Variants in ACSM6 observed in about 807,000 individuals in gnomAD.
The protein encoded by ACSM6 is acyl-CoA synthetase medium chain family member 6.
A neutral mutation model predicts 51.1 loss-of-function variants in ACSM6; 35 were observed. The observed-to-expected ratio is 0.69, with a 90% CI of 0.52 to 0.91. The LOEUF (loss-of-function observed/expected upper bound fraction) is 0.91. Among genes scored for constraint, ACSM6 ranks in the 40% least tolerant of loss-of-function variants. ACSM6 has a pLI of 0.00. For missense variants in ACSM6, 509 were observed against 584.1 expected, an observed-to-expected ratio of 0.87 and a Z score of 1.32; for synonymous variants, 172 against 207.3, an observed-to-expected ratio of 0.83 and a Z score of 1.46.
At chr10:95,204,706 G>T (rs1429590839) in intron 3 of ACSM6, among the ~76,000 whole-genome samples, 1 of 151,874 alleles carries the variant, frequency 6.6e-6, no homozygotes, top group Non-Finnish European at 1.5e-5. Flanking sequence ...AAATTCAAAT[G>T]AACCATTAAA....
chr10:95,214,878 GT>G lies in ACSM6; in HGVS notation c.1023del (p.Cys341TrpfsTer12), dbSNP rs1245713930. On this transcript the variant is annotated frameshift_variant, in exon 8 of 11. Coordinates refer to ENST00000341686, the Ensembl canonical transcript of ACSM6. LOFTEE classifies it high-confidence loss of function. ...TACAGATTCAAGAGTCTGAAGCAGT[GT>G]GTGGCTGCAGGAGGACCCATCAGCC... The G allele has an allele frequency of 6.4e-7, 1 of 1,551,526 alleles. No individual in the cohort carries two copies. Among genetic ancestry groups the G allele is most frequent in the African/African-American group, 1.4e-5 (1 of 73,044 alleles).
intron 5 of ACSM6, among the ~76,000 whole-genome samples, chr10:95,211,608 C>T (rs1190555817): frequency 6.6e-6 from 1 of 152,152 alleles, no homozygotes; most frequent in African/African-American, 2.4e-5. Context: ...AATAAAAGTG[C>T]CTACTGGATT....
intron 2 of ACSM6, among the ~76,000 whole-genome samples, chr10:95,199,669 A>G (rs1315806289): frequency 6.6e-6 from 1 of 151,994 alleles, no homozygotes; most frequent in African/African-American, 2.4e-5. Context: ...AAAACAAACA[A>G]CCCCATCAAA....
Position 95,194,270 on chromosome 10 carries a change from C to CTA in ACSM6, c.-54_-53insAT, listed in dbSNP as rs2034703723. ...AACAGCTCTACCATCCTCCAAACAT[C>CTA]TGAAGCCCCCCATAGAAACTCCTCT... On this transcript the variant is annotated 5_prime_UTR_variant, in exon 1 of 11. The change creates a new upstream start codon in the 5' untranslated region. Transcript: ENST00000341686. 1.6e-5 allele frequency: 8 copies of CTA among 490,924 alleles called. No individual in the cohort carries two copies. In the Admixed American group the frequency reaches 1.9e-4, roughly 12 times the overall value. The allele number at this position is 490,924 out of a possible 1,614,324, so 30.4% of individuals were successfully genotyped here. A position where few individuals can be genotyped will look rare whatever the true frequency, so the allele number is the denominator to read the frequency against.
chr10:95,224,931 ATGGAGC>A (rs1303422228), intron 9 of ACSM6, among the ~76,000 whole-genome samples: 1 of 152,218 alleles, frequency 6.6e-6, no homozygotes, highest in Non-Finnish European at 1.5e-5. Flanking sequence ...TAACCAGGCA[ATGGAGC>A]CCTTACCTGT....
chr10:95,227,680 C>T (rs660026), intron 10 of ACSM6, among the ~76,000 whole-genome samples: 79,760 of 152,070 alleles, frequency 0.52, 21,847 homozygotes, highest in Middle Eastern at 0.66. Context: ...AGCTTTTCAC[C>T]AAAGTTTATT....
chr10:95,202,379 T>G (rs1407199793), intron 3 of ACSM6, among the ~76,000 whole-genome samples, 184 bp downstream of exon 3: 1 of 152,238 alleles, frequency 6.6e-6, no homozygotes, highest in Non-Finnish European at 1.5e-5. Flanking sequence ...CTGTAAATTA[T>G]GCCTCTCTGA....
chr10:95,218,932 G>T (rs945417730), intron 8 of ACSM6, among the ~76,000 whole-genome samples: 1 of 152,182 alleles, frequency 6.6e-6, no homozygotes, highest in Non-Finnish European at 1.5e-5. Flanking sequence ...GTCTCTTTCC[G>T]TGTAAGACAC....
chr10:95,194,256 C>T (rs2034703655), exon 1 of ACSM6: 2 of 463,896 alleles, frequency 4.3e-6, no homozygotes, highest in African/African-American at 1.9e-5. Flanking sequence ...ACAGCTCTAC[C>T]ATCCTCCAAA....
chr10:95,202,549 A>T (rs1023959607), intron 3 of ACSM6, among the ~76,000 whole-genome samples: 1 of 152,162 alleles, frequency 6.6e-6, no homozygotes, highest in Non-Finnish European at 1.5e-5. Flanking sequence ...CCTCTGTCCT[A>T]ACATAGTCAT....
chr10:95,194,267 C>T (rs1340259406), exon 1 of ACSM6: 3 of 485,820 alleles, frequency 6.2e-6, no homozygotes, highest in African/African-American at 1.9e-5. Context: ...ATCCTCCAAA[C>T]ATCTGAAGCC....
At chr10:95,214,037 TA>T (rs1268025615) in intron 7 of ACSM6, among the ~76,000 whole-genome samples, 1 of 152,198 alleles carries the variant, frequency 6.6e-6, no homozygotes, top group Non-Finnish European at 1.5e-5. Context: ...TAAAAGCACT[TA>T]AAAATTTTAA....
intron 5 of ACSM6, 104 bp downstream of exon 5, chr10:95,210,897 G>A: frequency 2.3e-6 from 3 of 1,327,862 alleles, no homozygotes; most frequent in Non-Finnish European, 3.0e-6. Context: ...ACTCAAGACT[G>A]CAGAAAGTGT....
At chr10:95,205,070 A>C (rs1330885129) in intron 3 of ACSM6, among the ~76,000 whole-genome samples, 1 of 152,196 alleles carries the variant, frequency 6.6e-6, no homozygotes, top group African/African-American at 2.4e-5. Flanking sequence ...AGAGCTCTCA[A>C]TTATTATAAA....
intron 6 of ACSM6, 139 bp downstream of exon 6, chr10:95,212,173 C>A: frequency 9.5e-6 from 10 of 1,052,506 alleles, no homozygotes; most frequent in Non-Finnish European, 1.3e-5. Flanking sequence ...GATGCTCTCC[C>A]TGCTTGTGAG....
intron 2 of ACSM6, among the ~76,000 whole-genome samples, 175 bp downstream of exon 2, chr10:95,194,852 A>G (rs1309968550): frequency 6.6e-6 from 1 of 152,262 alleles, no homozygotes; most frequent in East Asian, 1.9e-4. Context: ...ATGGTTCTAC[A>G]TTGAAATCCT....
chr10:95,200,597 AAGAAGG>A (rs1231558605), intron 2 of ACSM6, among the ~76,000 whole-genome samples: 83 of 145,618 alleles, frequency 5.7e-4, no homozygotes, highest in African/African-American at 1.2e-3. Context: ...AAAGAAGAAG[AAGAAGG>A]AGAAGGAGAA....
rs200188459 is a variant in ACSM6 at position 95,207,083 on chromosome 10, T to C, written c.404-125T>C. ...AGTCGCCATCGTGTTACTGACCCAA[T>C]AGAGAAGAGAGACTCCTAAGAGAGA... On this transcript the variant is annotated intron_variant, in intron 3 of 10. Coordinates refer to ENST00000341686, the Ensembl canonical transcript of ACSM6. 3.2e-5 allele frequency: 27 copies of C among 848,200 alleles called. No homozygotes were observed. The East Asian group carries it at 6.1e-4, about 19-fold the overall frequency. 52.5% of individuals were successfully genotyped at this position (848,200 alleles called of 1,614,324 possible). A position where few individuals can be genotyped will look rare whatever the true frequency, so the allele number is the denominator to read the frequency against.
At chr10:95,213,741 T>C (rs1311180574) in intron 7 of ACSM6, among the ~76,000 whole-genome samples, 2 of 152,214 alleles carry the variant, frequency 1.3e-5, no homozygotes, top group Admixed American at 1.3e-4. Flanking sequence ...TAAAGATTAA[T>C]GAGAAATCAC....
Sources: allele counts gnomAD v4.1 joint callset (sites outside exome capture counted in the v4.1 genomes callset), GRCh38; gene constraint gnomAD v4.1.1; transcripts MANE v1.5; gene names NCBI Gene and HGNC (gene_info 2026-07-23, HGNC 2026-07-21).